DCUN1D5: variants seen among roughly 807,000 people sequenced by gnomAD.
DCUN1D5 encodes DCN1-like protein 5.
A neutral mutation model predicts 38.3 loss-of-function variants in DCUN1D5; 10 were observed. The ratio of observed to expected loss-of-function variants is 0.26; its 90% CI spans 0.16 to 0.44. The LOEUF (loss-of-function observed/expected upper bound fraction) is 0.44. Ranked by LOEUF, DCUN1D5 falls within the 20% of genes least tolerant of loss-of-function variation. The probability of loss-of-function intolerance (pLI) is 1.00; values close to 1 mark genes in which losing one functional copy is unlikely to be tolerated. For synonymous variants in DCUN1D5, 93 were observed against 90.9 expected, an observed-to-expected ratio of 1.02 and a Z score of -0.13; for missense variants, 148 against 275.3, an observed-to-expected ratio of 0.54 and a Z score of 3.27.
chr11:103,052,066 T>C lies in DCUN1D5; in HGVS notation c.*10293A>G, dbSNP rs1361499591. 1 of 152,196 alleles carries C rather than the reference T, an allele frequency of 6.6e-6. No individual in the cohort carries two copies. The highest frequency in any genetic ancestry group is 1.5e-5 in the Non-Finnish European group (1 of 68,030). The allele number at this position is 152,196 out of a possible 1,614,324, so 9.4% of individuals were successfully genotyped here. ...GTGAGATCTGTCTTTAATTATGAAA[T>C]AATTTTAGTGTCTATTTAGAAGACA... On this transcript the variant is annotated 3_prime_UTR_variant, in exon 8 of 8. Transcript: ENST00000260247.
Position 103,054,852 on chromosome 11 carries a change from T to C in DCUN1D5, c.*7507A>G, listed in dbSNP as rs1264375783. On this transcript the variant is annotated 3_prime_UTR_variant, in exon 8 of 8. Transcript: ENST00000260247. ...GATGTACTAAAATCAATTAGCCTTA[T>C]TTTATGCTTTCCTAGCACTAGAAAA... is the stretch of plus-strand genomic sequence containing the variant. 4.6e-5 allele frequency: 7 copies of C among 152,062 alleles called. No individual in the cohort carries two copies. The highest frequency in any genetic ancestry group is 1.5e-5 in the Non-Finnish European group (1 of 67,956). The allele number at this position is 152,062 out of a possible 1,614,324, so 9.4% of individuals were successfully genotyped here.
At position 103,062,270 on chromosome 11, in the gene DCUN1D5, T is replaced by A. The variant is rs765646153; in HGVS notation, c.*89A>T. The A allele has an allele frequency of 7.1e-6, 9 of 1,265,678 alleles. No homozygotes were observed. The Admixed American group carries it at 1.7e-4, about 24-fold the overall frequency. The allele number at this position is 1,265,678 out of a possible 1,614,324, so 78.4% of individuals were successfully genotyped here. A position where few individuals can be genotyped will look rare whatever the true frequency, so the allele number is the denominator to read the frequency against. On this transcript the variant is annotated 3_prime_UTR_variant, in exon 8 of 8. Coordinates refer to ENST00000260247, the MANE Select transcript of DCUN1D5 (RefSeq NM_032299.4). The surrounding 1 kb of genome is among the most constrained non-coding windows in gnomAD (Gnocchi z 4.6). Reference sequence around the variant, plus strand: ...GAGAAGTCTTTCATATGAATGAAAATGCACCCGTTGGATTTTTTTCCCCCT... The same window carrying A: ...GAGAAGTCTTTCATATGAATGAAAAAGCACCCGTTGGATTTTTTTCCCCCT...
rs1862055300 is a variant in DCUN1D5, at chr11:103,063,222, T to C, written c.659-808A>G. Among the ~76,000 whole-genome samples, 1 of 152,154 alleles carries C rather than the reference T, an allele frequency of 6.6e-6. No individual in the cohort carries two copies. The highest frequency in any genetic ancestry group is 1.5e-5 in the Non-Finnish European group (1 of 67,998). ...AACTGAAAAGCAAGTCCAACACAGTTAACACTTGACTCCAGCCTCTGACTC... is the reference window on the plus strand; with the variant it reads ...AACTGAAAAGCAAGTCCAACACAGTCAACACTTGACTCCAGCCTCTGACTC... On this transcript the variant is annotated intron_variant, in intron 7 of 7. Coordinates refer to ENST00000260247, the MANE Select transcript of DCUN1D5 (RefSeq NM_032299.4). This position sits in a 1 kb window ranked among gnomAD's most constrained non-coding sequence, Gnocchi z 4.6.
In DCUN1D5 at chr11:103,073,201, G is replaced by A. The variant is rs1004691659; in HGVS notation, c.342-6634C>T. The stretch of plus-strand genomic sequence containing the variant: ...AAAAGATGTACAGGACGTATATGCC[G>A]AAAACTACACAAAACTGATGAAAAA... On this transcript the variant is annotated intron_variant, in intron 4 of 7. Coordinates refer to ENST00000260247, the MANE Select transcript of DCUN1D5 (RefSeq NM_032299.4). The surrounding 1 kb of genome is among the most constrained non-coding windows in gnomAD (Gnocchi z 4.2). Among the ~76,000 whole-genome samples the A allele has an allele frequency of 4.0e-5, 6 of 151,878 alleles. No individual in the cohort carries two copies. The highest frequency in any genetic ancestry group is 2.9e-5 in the Non-Finnish European group (2 of 67,946).
intron 4 of DCUN1D5, among the ~76,000 whole-genome samples, chr11:103,080,300 A>G (rs1392241630): frequency 6.6e-6 from 1 of 152,238 alleles, no homozygotes; most frequent in Non-Finnish European, 1.5e-5. Flanking sequence ...ATAAAGTTTT[A>G]TATTTTAAGA....
chr11:103,053,523 C>T lies in DCUN1D5; in HGVS notation c.*8836G>A, dbSNP rs868312567. 4.6e-5 allele frequency: 7 copies of T among 151,960 alleles called. No individual in the cohort carries two copies. Among genetic ancestry groups the T allele is most frequent in the South Asian group, 4.1e-4 (2 of 4,820 alleles). The allele number at this position is 151,960 out of a possible 1,614,324, so 9.4% of individuals were successfully genotyped here. A position where few individuals can be genotyped will look rare whatever the true frequency, so the allele number is the denominator to read the frequency against. Reference sequence around the variant, plus strand: ...TCGAATGTTCCTAGTGTAAAGAAAACATAAATATTTAAGGTGATGGATATC... The same window carrying T: ...TCGAATGTTCCTAGTGTAAAGAAAATATAAATATTTAAGGTGATGGATATC... On this transcript the variant is annotated 3_prime_UTR_variant, in exon 8 of 8. Transcript: ENST00000260247. This position sits in a 1 kb window ranked among gnomAD's most constrained non-coding sequence, Gnocchi z 4.8.
rs1375894768 is a variant in DCUN1D5, at chr11:103,060,461, C to A, written c.*1898G>T. Among the ~76,000 whole-genome samples the A allele has an allele frequency of 1.3e-5, 2 of 152,026 alleles. No individual in the cohort carries two copies. The highest frequency in any genetic ancestry group is 2.9e-5 in the Non-Finnish European group (2 of 68,006). On this transcript the variant is annotated 3_prime_UTR_variant, in exon 8 of 8. Coordinates refer to ENST00000260247, the MANE Select transcript of DCUN1D5 (RefSeq NM_032299.4). The stretch of plus-strand genomic sequence containing the variant: ...CAGTATTCCCGGGATGCGACACCTA[C>A]ATACACGGGGAGGGCTGACTTTTTA...
intron 2 of DCUN1D5, among the ~76,000 whole-genome samples, chr11:103,085,040 C>T (rs1454933744): frequency 6.6e-6 from 1 of 151,956 alleles, no homozygotes; most frequent in African/African-American, 2.4e-5. Context: ...TTTTTAAAAG[C>T]CACGATGTAA....
At position 103,059,212 on chromosome 11, in the gene DCUN1D5, C is replaced by T. The variant is rs1861950873; in HGVS notation, c.*3147G>A. ...CACATTAGCAAGTAGGCAGACAGGA[C>T]ATGTTTTGTTGAAGAAATACTTCAA... On this transcript the variant is annotated 3_prime_UTR_variant, in exon 8 of 8. Transcript: ENST00000260247. Among the ~76,000 whole-genome samples, 3 of 152,042 alleles carry T rather than the reference C, an allele frequency of 2.0e-5. No homozygotes were observed. Among genetic ancestry groups the T allele is most frequent in the Admixed American group, 2.0e-4 (3 of 15,248 alleles).
Position 103,073,014 on chromosome 11 carries a change from T to G in DCUN1D5, c.342-6447A>C, listed in dbSNP as rs961385113. On this transcript the variant is annotated intron_variant, in intron 4 of 7. Transcript: ENST00000260247. This position sits in a 1 kb window ranked among gnomAD's most constrained non-coding sequence, Gnocchi z 4.2. ...TCCAAGGTCTATACAGAAAACATCT[T>G]AGAACGAACAGGTGAGTTCAGCAAG... Among the ~76,000 whole-genome samples, 1 of 152,130 alleles carries G rather than the reference T, an allele frequency of 6.6e-6. No individual in the cohort carries two copies. Among genetic ancestry groups the G allele is most frequent in the Non-Finnish European group, 1.5e-5 (1 of 68,012 alleles).
rs376700944 is a variant in DCUN1D5 at position 103,091,772 on chromosome 11, G to A, written c.86+15C>T. Reference sequence around the variant, plus strand: ...GAGGGAGGAGGGAAGCTTGAAGGGTGGGGGGAGATGGTACCTGGAGATTTT... The same window carrying A: ...GAGGGAGGAGGGAAGCTTGAAGGGTAGGGGGAGATGGTACCTGGAGATTTT... On this transcript the variant is annotated intron_variant, in intron 1 of 7. Coordinates refer to ENST00000260247, the MANE Select transcript of DCUN1D5 (RefSeq NM_032299.4). The surrounding 1 kb of genome is among the most constrained non-coding windows in gnomAD (Gnocchi z 4.3). The A allele has an allele frequency of 1.9e-6, 3 of 1,613,528 alleles. No homozygotes were observed. The highest frequency in any genetic ancestry group is 2.5e-6 in the Non-Finnish European group (3 of 1,179,610).
chr11:103,073,579 C>G lies in DCUN1D5; in HGVS notation c.342-7012G>C, dbSNP rs550145233. Among the ~76,000 whole-genome samples, 1 of 152,300 alleles carries G rather than the reference C, an allele frequency of 6.6e-6. No homozygotes were observed. Among genetic ancestry groups the G allele is most frequent in the African/African-American group, 2.4e-5 (1 of 41,560 alleles). ...GTACTGGCAGAAGGTTAAGACACAT[C>G]AGTGGAACAGAGAACCCAGAAATAA... On this transcript the variant is annotated intron_variant, in intron 4 of 7. Transcript: ENST00000260247. This position sits in a 1 kb window ranked among gnomAD's most constrained non-coding sequence, Gnocchi z 4.2.
At position 103,053,225 on chromosome 11, in the gene DCUN1D5, A is replaced by G. The variant is rs184285304; in HGVS notation, c.*9134T>C. 6.6e-6 allele frequency: 1 copy of G among 152,128 alleles called. No homozygotes were observed. Among genetic ancestry groups the G allele is most frequent in the East Asian group, 1.9e-4 (1 of 5,204 alleles). The allele number at this position is 152,128 out of a possible 1,614,324, so 9.4% of individuals were successfully genotyped here. A position where few individuals can be genotyped will look rare whatever the true frequency, so the allele number is the denominator to read the frequency against. ...AGCCATAGTAGCTATGTTACTGAGC[A>G]TTTATTACTTGGTGCCAACTACACT... On this transcript the variant is annotated 3_prime_UTR_variant, in exon 8 of 8. Coordinates refer to ENST00000260247, the MANE Select transcript of DCUN1D5 (RefSeq NM_032299.4). This position sits in a 1 kb window ranked among gnomAD's most constrained non-coding sequence, Gnocchi z 4.8.
At chr11:103,072,337 A>T (rs112528770) in intron 4 of DCUN1D5, among the ~76,000 whole-genome samples, 3 of 145,772 alleles carry the variant, frequency 2.1e-5, no homozygotes, top group South Asian at 2.1e-4. Context: ...AGGATCTAGA[A>T]CTAGATCTAG....
Position 103,083,651 on chromosome 11 carries a change from T to C in DCUN1D5, c.179-325A>G, listed in dbSNP as rs1208816032. ...AAATTCACTGAGAGCCTACTCTGAATAAAATTTTTGACAATGCATGAATAT... is the reference window on the plus strand; with the variant it reads ...AAATTCACTGAGAGCCTACTCTGAACAAAATTTTTGACAATGCATGAATAT... On this transcript the variant is annotated intron_variant, in intron 2 of 7. Coordinates refer to ENST00000260247, the MANE Select transcript of DCUN1D5 (RefSeq NM_032299.4). The surrounding 1 kb of genome is among the most constrained non-coding windows in gnomAD (Gnocchi z 4.4). Among the ~76,000 whole-genome samples the C allele has an allele frequency of 6.6e-6, 1 of 151,862 alleles. No homozygotes were observed. Among genetic ancestry groups the C allele is most frequent in the Non-Finnish European group, 1.5e-5 (1 of 67,884 alleles).
At position 103,092,111 on chromosome 11, in the gene DCUN1D5, C is replaced by G. The variant is rs576585657; in HGVS notation, c.-239G>C. 75 of 485,212 alleles carry G rather than the reference C, an allele frequency of 1.5e-4. No homozygotes were observed. Among genetic ancestry groups the G allele is most frequent in the Non-Finnish European group, 2.4e-4 (67 of 274,158 alleles). The allele number at this position is 485,212 out of a possible 1,614,324, so 30.1% of individuals were successfully genotyped here. A position where few individuals can be genotyped will look rare whatever the true frequency, so the allele number is the denominator to read the frequency against. ...GGTGGACACTGCGGTTCGTTCTCAC[C>G]GGGAGGAGATAACGCGGACAGCGCG... is the stretch of plus-strand genomic sequence containing the variant. On this transcript the variant is annotated 5_prime_UTR_variant, in exon 1 of 8. Transcript: ENST00000260247.
Position 103,066,402 on chromosome 11 carries a change from A to AGTGTG in DCUN1D5, c.451-34_451-30dup. The AGTGTG allele has an allele frequency of 6.3e-7, 1 of 1,598,014 alleles. No individual in the cohort carries two copies. Among genetic ancestry groups the AGTGTG allele is most frequent in the Non-Finnish European group, 8.5e-7 (1 of 1,170,552 alleles). On this transcript the variant is annotated intron_variant, in intron 5 of 7. Transcript: ENST00000260247. This position sits in a 1 kb window ranked among gnomAD's most constrained non-coding sequence, Gnocchi z 4.7. ...AAATATAAGTGAAAAAGTTTTCCTA[A>AGTGTG]GTGTGGTCTCAAGATGAAAAGCTAT... is the stretch of plus-strand genomic sequence containing the variant.
intron 1 of DCUN1D5, among the ~76,000 whole-genome samples, chr11:103,090,584 T>A (rs1223734833): frequency 2.0e-5 from 3 of 152,164 alleles, no homozygotes; most frequent in African/African-American, 7.2e-5. Context: ...TGCCAACCAT[T>A]GATGAAAAGG....
At position 103,065,681 on chromosome 11, in the gene DCUN1D5, C is replaced by A. The variant is rs536970179; in HGVS notation, c.555+588G>T. Among the ~76,000 whole-genome samples, 1 of 151,934 alleles carries A rather than the reference C, an allele frequency of 6.6e-6. No homozygotes were observed. The highest frequency in any genetic ancestry group is 1.9e-4 in the East Asian group (1 of 5,174). On this transcript the variant is annotated intron_variant, in intron 6 of 7. Transcript: ENST00000260247. The surrounding 1 kb of genome is among the most constrained non-coding windows in gnomAD (Gnocchi z 4.6). ...AAAGAATAGCATCTTCTTAGAATCA[C>A]TGCCTATAGTAGTTGCTATGATAAA...
Sources: gnomAD v4.1 joint callset for allele counts (sites outside exome capture counted in the v4.1 genomes callset) on GRCh38, gnomAD v4.1.1 for gene constraint, Gnocchi (gnomAD v3.1) non-coding constraint, MANE v1.5 for transcripts, NCBI Gene and HGNC (gene_info 2026-07-23, HGNC 2026-07-21) for gene names.